CSMD3: variants seen among roughly 807,000 people sequenced by gnomAD.
The protein encoded by CSMD3 is CUB and Sushi multiple domains 3, also known as CUB and sushi domain-containing protein 3.
In CSMD3, 177 loss-of-function variants were observed where a neutral mutation model predicts 435.2. The ratio of observed to expected loss-of-function variants is 0.41; its 90% confidence interval spans 0.36 to 0.46. The LOEUF (loss-of-function observed/expected upper bound fraction) is 0.46, where lower values mean the gene tolerates loss of function less well. Ranked by LOEUF, CSMD3 falls within the 20% of genes least tolerant of loss-of-function variation. The pLI is 0.34. For missense variants in CSMD3, 4,265 were observed against 4,504.6 expected (o/e 0.95, Z 1.52); for synonymous variants, 1,656 against 1,520.5 (o/e 1.09, Z -2.07).
chr8:112,447,680 A>C (rs546730106), intron 32 of CSMD3, among the ~76,000 whole-genome samples: 1 of 152,270 alleles, frequency 6.6e-6, no homozygotes, highest in South Asian at 2.1e-4. Flanking sequence ...GATTTAATAT[A>C]TACATGCAAA....
At chr8:112,778,530 T>C (rs925874040) in intron 13 of CSMD3, among the ~76,000 whole-genome samples, 1 of 151,976 alleles carries the variant, frequency 6.6e-6, no homozygotes, top group East Asian at 1.9e-4. Context: ...TGTCTTTTCA[T>C]GGCTTGATAG....
At chr8:112,643,151 G>A (rs1321471450) in intron 20 of CSMD3, among the ~76,000 whole-genome samples, 2 of 152,126 alleles carry the variant, frequency 1.3e-5, no homozygotes, top group Non-Finnish European at 2.9e-5. Context: ...CTTTTGGTTG[G>A]AGCAAGGATT....
chr8:112,542,267 T>C (rs996109113), intron 27 of CSMD3, among the ~76,000 whole-genome samples: 1 of 150,750 alleles, frequency 6.6e-6, no homozygotes, highest in Non-Finnish European at 1.5e-5. Flanking sequence ...GGATGTTCAC[T>C]TCCCACTCCT....
intron 5 of CSMD3, among the ~76,000 whole-genome samples, chr8:113,086,891 T>C (rs2089804158): frequency 6.6e-6 from 1 of 152,180 alleles, no homozygotes; most frequent in African/African-American, 2.4e-5. Flanking sequence ...AACTTAAAAA[T>C]TTAATATATG....
chr8:112,314,057 G>T lies in CSMD3; in HGVS notation c.7550-5C>A. 1 of 1,601,926 alleles carries T rather than the reference G, an allele frequency of 6.2e-7. No homozygotes were observed. The highest frequency in any genetic ancestry group is 1.3e-5 in the African/African-American group (1 of 74,738). ...CTGGACTTTGAATATTTGGTCCTTT[G>T]GGAAGAAAATAAAACAATTTAGATA... On this transcript the variant is annotated splice_polypyrimidine_tract_variant and splice_region_variant and intron_variant, in intron 48 of 70. Coordinates refer to ENST00000297405, the MANE Select transcript of CSMD3 (RefSeq NM_198123.2).
At chr8:112,899,600 TA>T (rs376108763) in intron 10 of CSMD3, among the ~76,000 whole-genome samples, 1,547 of 7,968 alleles carry the variant, frequency 0.19, 38 homozygotes, top group African/African-American at 0.48. Context: ...TTGTCTATTT[TA>T]TATATATATA....
intron 9 of CSMD3, among the ~76,000 whole-genome samples, chr8:112,939,138 G>A (rs765219025): frequency 1.3e-5 from 2 of 152,074 alleles, no homozygotes; most frequent in African/African-American, 4.8e-5. Flanking sequence ...AAAGCCAAGT[G>A]TAATACTTCT....
intron 5 of CSMD3, among the ~76,000 whole-genome samples, chr8:113,074,018 G>T (rs777023752): frequency 6.6e-6 from 1 of 151,600 alleles, no homozygotes; most frequent in Non-Finnish European, 1.5e-5. Flanking sequence ...TAACCTTTCT[G>T]CCAAATTGTG....
intron 50 of CSMD3, chr8:112,310,774 C>CAATAATGAAT (rs1396924091): frequency 7.5e-6 from 5 of 662,770 alleles, no homozygotes; most frequent in Non-Finnish European, 1.4e-5. Context: ...AGTTGCATAA[C>CAATAATGAAT]AATAATGAAT....
At chr8:112,623,453 C>G (rs573087566) in intron 22 of CSMD3, among the ~76,000 whole-genome samples, 1 of 152,158 alleles carries the variant, frequency 6.6e-6, no homozygotes, top group South Asian at 2.1e-4. Flanking sequence ...TAGTGTCATA[C>G]TTAGTCTTAG....
chr8:112,577,234 T>A (rs935213064), intron 23 of CSMD3, among the ~76,000 whole-genome samples: 2 of 152,056 alleles, frequency 1.3e-5, no homozygotes, highest in East Asian at 3.9e-4. Context: ...ATCCTTCAAA[T>A]TTAGTCAAAT....
At chr8:112,573,817 T>C (rs1212537945) in intron 23 of CSMD3, among the ~76,000 whole-genome samples, 160 bp from the exon 24 acceptor site, 1 of 152,040 alleles carries the variant, frequency 6.6e-6, no homozygotes, top group African/African-American at 2.4e-5. Flanking sequence ...GAACACAAGG[T>C]TAAGGAAGTT....
intron 7 of CSMD3, among the ~76,000 whole-genome samples, chr8:112,962,131 T>G (rs528850822): frequency 6.6e-6 from 1 of 151,880 alleles, no homozygotes; most frequent in Non-Finnish European, 1.5e-5. Context: ...AATATTAATA[T>G]CCACTCAATT....
At chr8:113,055,219 C>T (rs1296546341) in intron 5 of CSMD3, among the ~76,000 whole-genome samples, 2 of 152,062 alleles carry the variant, frequency 1.3e-5, no homozygotes, top group South Asian at 2.1e-4. Context: ...GGCGTGATCT[C>T]GACTCACTGC....
At chr8:112,269,045 C>T (rs1255680648) in intron 59 of CSMD3, among the ~76,000 whole-genome samples, 1 of 152,158 alleles carries the variant, frequency 6.6e-6, no homozygotes, top group African/African-American at 2.4e-5. Context: ...TGCACTGTGA[C>T]AATCAAAAAG....
intron 3 of CSMD3, among the ~76,000 whole-genome samples, chr8:113,204,381 T>A (rs867330435): frequency 1.3e-5 from 2 of 152,236 alleles, no homozygotes; most frequent in Middle Eastern, 6.8e-3. Context: ...CAAAATAAGG[T>A]ACATATGTTT....
intron 13 of CSMD3, among the ~76,000 whole-genome samples, chr8:112,728,037 T>C (rs187364526): frequency 6.6e-6 from 1 of 152,108 alleles, no homozygotes; most frequent in Non-Finnish European, 1.5e-5. Flanking sequence ...AGGCATTTTC[T>C]TGTTGTTTAT....
chr8:112,492,809 G>A (rs926178735), intron 30 of CSMD3, 126 bp from the exon 31 acceptor site: 46 of 789,344 alleles, frequency 5.8e-5, no homozygotes, highest in Admixed American at 4.0e-4. Flanking sequence ...AACTGTATCT[G>A]TACTGAATAT....
chr8:113,108,063 A>G (rs1395983627), intron 4 of CSMD3, among the ~76,000 whole-genome samples: 3 of 152,202 alleles, frequency 2.0e-5, no homozygotes, highest in Non-Finnish European at 4.4e-5. Flanking sequence ...AAAACATAGG[A>G]ATAGTATGTT....
Sources: gnomAD v4.1 joint callset for allele counts (sites outside exome capture counted in the v4.1 genomes callset) on GRCh38, gnomAD v4.1.1 for gene constraint, MANE v1.5 for transcripts, NCBI Gene and HGNC (gene_info 2026-07-23, HGNC 2026-07-21) for gene names.